CENPL: variants seen among roughly 807,000 people sequenced by gnomAD.
The protein encoded by CENPL is centromere protein L.
Under a neutral mutation model 35.2 loss-of-function variants are expected in CENPL, and 20 were observed. The ratio of observed to expected loss-of-function variants is 0.57; its 90% confidence interval spans 0.40 to 0.83. The LOEUF (loss-of-function observed/expected upper bound fraction) is 0.83. Ranked by LOEUF, CENPL falls within the 40% of genes least tolerant of loss-of-function variation. CENPL has a pLI of 0.00. For synonymous variants in CENPL, 140 were observed against 140.6 expected (o/e 1.00, Z 0.03); for missense variants, 363 against 395.8 (o/e 0.92, Z 0.70).
At chr1:173,810,528 TA>T (rs777447213) in intron 3 of CENPL, among the ~76,000 whole-genome samples, 154 of 148,762 alleles carry the variant, frequency 1.0e-3, no homozygotes, top group African/African-American at 3.2e-3. Flanking sequence ...AAATAAAAGT[TA>T]AAAAAAAAAT....
chr1:173,813,973 T>C (rs962515361), intron 2 of CENPL, among the ~76,000 whole-genome samples: 7 of 151,802 alleles, frequency 4.6e-5, no homozygotes, highest in Non-Finnish European at 8.8e-5. Flanking sequence ...ATAAGGGAGA[T>C]AGAGGAAGAT....
chr1:173,806,394 T>A (rs891712243), intron 4 of CENPL: 1 of 420,924 alleles, frequency 2.4e-6, no homozygotes, highest in African/African-American at 2.1e-5. Context: ...AAGACCAACC[T>A]GGGCAACATG....
At chr1:173,821,652 T>C (rs1651955773) in intron 2 of CENPL, among the ~76,000 whole-genome samples, 1 of 152,176 alleles carries the variant, frequency 6.6e-6, no homozygotes, top group African/African-American at 2.4e-5. Flanking sequence ...CACTCAAGAA[T>C]GTGTAATTTT....
intron 3 of CENPL, among the ~76,000 whole-genome samples, chr1:173,810,071 T>G (rs1650659297): frequency 1.3e-5 from 2 of 152,168 alleles, no homozygotes; most frequent in South Asian, 4.1e-4. Flanking sequence ...ATACACTCAC[T>G]GCAGCACTAT....
chr1:173,807,252 G>A lies in CENPL; in HGVS notation c.420+15C>T. 1.9e-6 allele frequency: 3 copies of A among 1,567,650 alleles called. No individual in the cohort carries two copies. Among genetic ancestry groups the A allele is most frequent in the Non-Finnish European group, 2.6e-6 (3 of 1,152,594 alleles). ...ACTTTTCCCCTAGGAAGCAAGAACT[G>A]TTTATGTATTATACCTGGACAAGAA... On this transcript the variant is annotated intron_variant, in intron 4 of 5. Coordinates refer to ENST00000682279, the MANE Select transcript of CENPL (RefSeq NM_001387287.1).
chr1:173,806,772 C>T (rs1318621163), intron 4 of CENPL, among the ~76,000 whole-genome samples: 4 of 152,138 alleles, frequency 2.6e-5, no homozygotes, highest in East Asian at 1.9e-4. Context: ...ATCTGCCCGC[C>T]GTAGCCTCCC....
Position 173,799,895 on chromosome 1 carries a change from T to C in CENPL, c.*553A>G, listed in dbSNP as rs545596806. ...TTTATTTTTTGAGGCAGAGTCTCAC[T>C]TTGTTGCCCAGGCTGGAGTGCAGTG... On this transcript the variant is annotated 3_prime_UTR_variant, in exon 6 of 6. Transcript: ENST00000682279. 6.6e-6 allele frequency: 1 copy of C among 152,394 alleles called. No individual in the cohort carries two copies. Among genetic ancestry groups the C allele is most frequent in the South Asian group, 2.1e-4 (1 of 4,830 alleles). 9.4% of individuals were successfully genotyped at this position (152,394 alleles called of 1,614,324 possible).
At chr1:173,802,831 T>C in intron 5 of CENPL, 132 bp downstream of exon 5, 1 of 646,200 alleles carries the variant, frequency 1.5e-6, no homozygotes, top group Non-Finnish European at 2.6e-6. Context: ...CCATAAACCA[T>C]AAAATAAAAG....
intron 5 of CENPL, among the ~76,000 whole-genome samples, chr1:173,801,002 T>C (rs1013016585): frequency 1.3e-5 from 2 of 152,140 alleles, no homozygotes; most frequent in African/African-American, 4.8e-5. Flanking sequence ...CTTTCCCTTT[T>C]TGTTTTTTAA....
chr1:173,806,420 CA>C, intron 4 of CENPL: 1 of 444,772 alleles, frequency 2.2e-6, no homozygotes, highest in Non-Finnish European at 4.5e-6. Flanking sequence ...ACCCTGTCTA[CA>C]AAAAATACAA....
At chr1:173,808,707 T>C (rs1300334528) in intron 3 of CENPL, 3 of 151,768 alleles carry the variant, frequency 2.0e-5, no homozygotes, top group South Asian at 4.1e-4. Flanking sequence ...AAACACTTCA[T>C]TTATACCATA....
intron 5 of CENPL, among the ~76,000 whole-genome samples, chr1:173,800,867 G>A (rs1227784186): frequency 6.6e-6 from 1 of 152,134 alleles, no homozygotes; most frequent in Non-Finnish European, 1.5e-5. Flanking sequence ...TGAGGCAGGA[G>A]GATCACTTGA....
intron 2 of CENPL, among the ~76,000 whole-genome samples, chr1:173,818,157 AAAAAT>A (rs910930424): frequency 4.6e-5 from 7 of 152,170 alleles, no homozygotes; most frequent in East Asian, 1.9e-4. Context: ...GTATAATTTA[AAAAAT>A]AAAATAAATT....
intron 2 of CENPL, among the ~76,000 whole-genome samples, chr1:173,812,084 T>C (rs563708404): frequency 6.6e-6 from 1 of 152,238 alleles, no homozygotes; most frequent in Non-Finnish European, 1.5e-5. Context: ...AGCCTGAGAT[T>C]GACCTGCGAG....
Position 173,807,297 on chromosome 1 carries a change from T to G in CENPL, c.390A>C (p.Thr130=), listed in dbSNP as rs1369660944. The change falls in exon 4 of 6, where the codon ACA becomes ACC. Residue 130 remains threonine (T), a synonymous_variant. Coordinates refer to ENST00000682279, the MANE Select transcript of CENPL (RefSeq NM_001387287.1). ...CAAGAAATGCTTCCGGGTCCCTTTG[T>G]GTTCCTTTCATTCCTAGGAGAGTAG... ...IFSTLLGMKG[T]QRDPEAFLVQ... 6.2e-7 allele frequency: 1 copy of G among 1,611,800 alleles called. No homozygotes were observed. The highest frequency in any genetic ancestry group is 8.5e-7 in the Non-Finnish European group (1 of 1,178,448).
rs1649932522 is a variant in CENPL at position 173,803,409 on chromosome 1, T to C, written c.517A>G (p.Thr173Ala). 2 of 1,613,868 alleles carry C rather than the reference T, an allele frequency of 1.2e-6. No individual in the cohort carries two copies. The highest frequency in any genetic ancestry group is 1.7e-6 in the Non-Finnish European group (2 of 1,179,796). The change falls in exon 5 of 6, where the codon ACT (threonine) becomes GCT (alanine). Residue 173 changes from threonine (T) to alanine (A), a missense_variant. Coordinates refer to ENST00000682279, the MANE Select transcript of CENPL (RefSeq NM_001387287.1). The part of the protein sequence containing the change: ...CCVFGDSLLE[T>A]VSEDFTCLPL... The stretch of plus-strand genomic sequence containing the variant: ...AGACAGGTGAAATCTTCTGAAACAG[T>C]CTCCAGAAGACTGTCTCCAAATACA...
In CENPL at chr1:173,811,092, C is replaced by T. The variant is rs1478114212; in HGVS notation, c.168+40G>A. The T allele has an allele frequency of 1.9e-6, 3 of 1,571,414 alleles. No individual in the cohort carries two copies. The Admixed American group carries it at 5.1e-5, about 27-fold the overall frequency. On this transcript the variant is annotated intron_variant, in intron 3 of 5. Coordinates refer to ENST00000682279, the MANE Select transcript of CENPL (RefSeq NM_001387287.1). ...TTGAAATGTTTTGTTCACAGATATT[C>T]TCAATTATTGACTAACACAAAGGGA...
At chr1:173,807,186 A>G in intron 4 of CENPL, 81 bp downstream of exon 4, 1 of 1,280,760 alleles carries the variant, frequency 7.8e-7, no homozygotes, top group Non-Finnish European at 1.0e-6. Context: ...TTTTAAGTTG[A>G]TTATATCTAA....
intron 2 of CENPL, among the ~76,000 whole-genome samples, chr1:173,813,785 A>G (rs991525933): frequency 6.6e-6 from 1 of 152,196 alleles, no homozygotes; most frequent in African/African-American, 2.4e-5. Flanking sequence ...CAAAATAACC[A>G]GCTAACATCA....
Sources: gnomAD v4.1 joint callset for allele counts (sites outside exome capture counted in the v4.1 genomes callset) on GRCh38, gnomAD v4.1.1 for gene constraint, MANE v1.5 for transcripts, NCBI Gene and HGNC (gene_info 2026-07-23, HGNC 2026-07-21) for gene names.